FLVCR1: variants seen among roughly 807,000 people sequenced by gnomAD.
The protein encoded by FLVCR1 is FLVCR choline and heme transporter 1, also known as choline/ethanolamine transporter FLVCR1.
FLVCR1 carries 34 observed loss-of-function variants against 53.6 expected under a neutral mutation model. The ratio of observed to expected loss-of-function variants is 0.63; its 90% CI spans 0.48 to 0.84. The LOEUF (loss-of-function observed/expected upper bound fraction) is 0.84. Among genes scored for constraint, FLVCR1 ranks in the 40% least tolerant of loss-of-function variants. FLVCR1 has a pLI of 0.00. For missense variants in FLVCR1, 677 were observed against 696.7 expected (o/e 0.97, Z 0.32); for synonymous variants, 300 against 286.3 (o/e 1.05, Z -0.48).
At chr1:212,865,253 A>G (rs569323054) in intron 2 of FLVCR1, among the ~76,000 whole-genome samples, 6 of 150,452 alleles carry the variant, frequency 4.0e-5, no homozygotes, top group Non-Finnish European at 8.9e-5. Context: ...TACATTAGGT[A>G]TATCTCCTAA....
At position 212,895,432 on chromosome 1, in the gene FLVCR1, G is replaced by A; in HGVS notation, c.*142G>A. Reference sequence around the variant, plus strand: ...GAAAATTACCATATGAACTCTAAATGCATAATTATTATTTTGCTTAATTGT... The same window carrying A: ...GAAAATTACCATATGAACTCTAAATACATAATTATTATTTTGCTTAATTGT... On this transcript the variant is annotated 3_prime_UTR_variant, in exon 10 of 10. Coordinates refer to ENST00000366971, the MANE Select transcript of FLVCR1 (RefSeq NM_014053.4). The A allele has an allele frequency of 1.5e-6, 1 of 683,416 alleles. No individual in the cohort carries two copies. Among genetic ancestry groups the A allele is most frequent in the Non-Finnish European group, 2.7e-6 (1 of 373,740 alleles). 42.3% of individuals were successfully genotyped at this position (683,416 alleles called of 1,614,324 possible).
chr1:212,890,714 GATCTGGTTATAACTTAGTTGGAGA>G (rs1665170919), intron 8 of FLVCR1, among the ~76,000 whole-genome samples: 1 of 152,154 alleles, frequency 6.6e-6, no homozygotes, highest in African/African-American at 2.4e-5. Flanking sequence ...TTAGTTGGAG[GATCTGGTTATAACTTAGTTGGAGA>G]ATCTATCAGA....
intron 3 of FLVCR1, among the ~76,000 whole-genome samples, chr1:212,882,285 A>G (rs866995994): frequency 3.3e-5 from 5 of 152,240 alleles, no homozygotes; most frequent in South Asian, 2.1e-4. Context: ...TTAACATAAT[A>G]GAATACTGTA....
intron 4 of FLVCR1, 63 bp from the exon 5 acceptor site, chr1:212,885,230 T>C (rs1665027202): frequency 2.8e-6 from 3 of 1,064,810 alleles, no homozygotes; most frequent in African/African-American, 3.1e-5. Flanking sequence ...GGTGTGGGAA[T>C]GTGAAGAGTC....
At chr1:212,883,283 T>C (rs1664969812) in intron 3 of FLVCR1, 88 bp from the exon 4 acceptor site, 1 of 763,784 alleles carries the variant, frequency 1.3e-6, no homozygotes, top group South Asian at 1.5e-5. Flanking sequence ...TCCATGTCAC[T>C]TCATGAACTG....
chr1:212,885,544 G>GT, intron 5 of FLVCR1, 148 bp downstream of exon 5: 1 of 384,586 alleles, frequency 2.6e-6, no homozygotes, highest in South Asian at 2.7e-5. Flanking sequence ...CACTTAACAA[G>GT]TGTTTCTTTT....
At chr1:212,885,546 G>GTTTATTTT in intron 5 of FLVCR1, 150 bp downstream of exon 5, 9 of 289,668 alleles carry the variant, frequency 3.1e-5, no homozygotes, top group East Asian at 7.1e-5. Context: ...CTTAACAAGT[G>GTTTATTTT]TTTCTTTTTT....
In FLVCR1 at chr1:212,858,555, A is replaced by T. The variant is rs1664098118; in HGVS notation, c.103A>T (p.Ser35Cys). ...LPRGAPVGKESVELQNGPKAG... is the reference protein window; with the variant it reads ...LPRGAPVGKECVELQNGPKAG... The stretch of plus-strand genomic sequence containing the variant: ...GAGGGGCGCGCCCGTTGGGAAGGAG[A>T]GCGTGGAGCTGCAGAACGGGCCCAA... The change falls in exon 1 of 10, where the codon AGC (serine) becomes TGC (cysteine). Residue 35 changes from serine to cysteine, a missense_variant. Physicochemically the swap from Ser to Cys is moderately radical, Grantham distance 112. Transcript: ENST00000366971. The T allele has an allele frequency of 7.5e-6, 11 of 1,471,936 alleles. No homozygotes were observed. Among genetic ancestry groups the T allele is most frequent in the Non-Finnish European group, 7.2e-6 (8 of 1,112,554 alleles). 91.2% of individuals were successfully genotyped at this position (1,471,936 alleles called of 1,614,324 possible).
In FLVCR1 at chr1:212,868,353, G is replaced by A. The variant is rs1275019237; in HGVS notation, c.884-4325G>A. ...GGCTCCCAAAGTGCTGGGATTACAG[G>A]CATGAGCCACCATGCCCAGCTGCTT... On this transcript the variant is annotated intron_variant, in intron 2 of 9. Transcript: ENST00000366971. 2.6e-5 allele frequency among the ~76,000 whole-genome samples: 4 copies of A among 152,244 alleles called. No homozygotes were observed. The East Asian group carries it at 7.7e-4, about 29-fold the overall frequency.
rs79464232 is a variant in FLVCR1, at chr1:212,870,017, C to T, written c.884-2661C>T. On this transcript the variant is annotated intron_variant, in intron 2 of 9. Transcript: ENST00000366971. ...TATAACTATGTGAGTTCTGCATTAC[C>T]AATCTTAGTAAGAAGAGATATTTCC... 1.5e-4 allele frequency: 23 copies of T among 152,192 alleles called. No homozygotes were observed. The East Asian group carries it at 4.1e-3, about 27-fold the overall frequency. 9.4% of individuals were successfully genotyped at this position (152,192 alleles called of 1,614,324 possible). A position where few individuals can be genotyped will look rare whatever the true frequency, so the allele number is the denominator to read the frequency against.
chr1:212,863,850 A>G lies in FLVCR1; in HGVS notation c.864A>G (p.Leu288=). The G allele has an allele frequency of 1.2e-6, 2 of 1,613,564 alleles. No individual in the cohort carries two copies. Among genetic ancestry groups the G allele is most frequent in the Non-Finnish European group, 1.7e-6 (2 of 1,179,550 alleles). ...FYGTSAVATL[L]FILTAIAFKE... The stretch of plus-strand genomic sequence containing the variant: ...GAACATCAGCTGTTGCCACACTTTT[A>G]TTTATTTTAACAGCAATTGGTAAGT... Residue 288 remains leucine (L), a synonymous_variant, in exon 2 of 10, where the codon TTA becomes TTG. Transcript: ENST00000366971.
intron 2 of FLVCR1, among the ~76,000 whole-genome samples, chr1:212,865,485 A>AGTTTTTTTTTT (rs1664385938): frequency 7.5e-6 from 1 of 133,656 alleles, no homozygotes; most frequent in Non-Finnish European, 1.5e-5. Context: ...TGCAATAGGG[A>AGTTTTTTTTTT]TTTTTTTTTT....
rs1434320705 is a variant in FLVCR1, at chr1:212,858,825, T to A, written c.373T>A (p.Trp125Arg). 1 of 1,614,202 alleles carries A rather than the reference T, an allele frequency of 6.2e-7. No homozygotes were observed. The change falls in exon 1 of 10, where the codon TGG (tryptophan) becomes AGG (arginine). Residue 125 changes from tryptophan to arginine, a missense_variant. Trp to Arg is a moderately radical substitution (Grantham distance 101, BLOSUM62 -3). Coordinates refer to ENST00000366971, the MANE Select transcript of FLVCR1 (RefSeq NM_014053.4). ...SLYSLVNAFQ[W>R]IQYSIISNVF... is the part of the protein sequence containing the mutation. The stretch of plus-strand genomic sequence containing the variant: ...GTACTCGCTGGTCAACGCCTTTCAG[T>A]GGATCCAGTACAGCATCATTAGCAA...
chr1:212,889,708 A>G (rs1665141324), intron 8 of FLVCR1, among the ~76,000 whole-genome samples: 1 of 151,106 alleles, frequency 6.6e-6, no homozygotes, highest in African/African-American at 2.4e-5. Context: ...CAGTGAGCCA[A>G]GATCACACGA....
At chr1:212,864,711 A>C (rs1664356301) in intron 2 of FLVCR1, among the ~76,000 whole-genome samples, 1 of 152,234 alleles carries the variant, frequency 6.6e-6, no homozygotes, top group African/African-American at 2.4e-5. Context: ...CAAATTTATA[A>C]TTTCATTATA....
chr1:212,889,124 G>C (rs761762687), intron 7 of FLVCR1, 22 bp from the exon 8 acceptor site: 1 of 1,463,634 alleles, frequency 6.8e-7, no homozygotes, highest in Non-Finnish European at 9.6e-7. Context: ...AATAACGAAT[G>C]ATTTTTCTTA....
In FLVCR1 at chr1:212,858,530, G is replaced by C; in HGVS notation, c.78G>C (p.Pro26=). 2.1e-6 allele frequency: 3 copies of C among 1,461,088 alleles called. No homozygotes were observed. The highest frequency in any genetic ancestry group is 2.7e-6 in the Non-Finnish European group (3 of 1,108,696). The allele number at this position is 1,461,088 out of a possible 1,614,324, so 90.5% of individuals were successfully genotyped here. A position where few individuals can be genotyped will look rare whatever the true frequency, so the allele number is the denominator to read the frequency against. ...HPLAKGYLPL[P]RGAPVGKESV... is the part of the protein sequence containing the mutation. ...TCGCGAAAGGATACCTCCCGTTGCC[G>C]AGGGGCGCGCCCGTTGGGAAGGAGA... Residue 26 remains proline (P), a synonymous_variant, in exon 1 of 10, where the codon CCG becomes CCC. Coordinates refer to ENST00000366971, the MANE Select transcript of FLVCR1 (RefSeq NM_014053.4).
At chr1:212,886,666 G>GGC in intron 5 of FLVCR1, among the ~76,000 whole-genome samples, 1 of 151,988 alleles carries the variant, frequency 6.6e-6, no homozygotes, top group East Asian at 1.9e-4. Flanking sequence ...CAAGTGTGGT[G>GGC]GTGGGCACCT....
At chr1:212,889,694 G>T (rs925556391) in intron 8 of FLVCR1, among the ~76,000 whole-genome samples, 1 of 147,654 alleles carries the variant, frequency 6.8e-6, no homozygotes, top group African/African-American at 2.5e-5. Context: ...GGAGACAGAG[G>T]TTGCAGTGAG....
Sources: allele counts gnomAD v4.1 joint callset (sites outside exome capture counted in the v4.1 genomes callset), GRCh38; gene constraint gnomAD v4.1.1; transcripts MANE v1.5; gene names NCBI Gene and HGNC (gene_info 2026-07-23, HGNC 2026-07-21).